Variants in LCLAT1 observed in about 807,000 individuals in gnomAD.
LCLAT1 encodes the protein 1-AGP acyltransferase 8.
In LCLAT1, 11 loss-of-function variants were observed where a neutral mutation model predicts 30.7. That is an observed-to-expected ratio of 0.36 (90% CI 0.23 to 0.59). The LOEUF (loss-of-function observed/expected upper bound fraction) is 0.59. Among genes scored for constraint, LCLAT1 ranks in the 20% least tolerant of loss-of-function variants. LCLAT1 has a pLI of 0.77. For synonymous variants in LCLAT1, 155 were observed against 151.3 expected (o/e 1.02, Z -0.18); for missense variants, 402 against 458.6 (o/e 0.88, Z 1.13).
intron 1 of LCLAT1, among the ~76,000 whole-genome samples, chr2:30,479,741 C>G (rs1572502533): frequency 6.6e-6 from 1 of 152,182 alleles, no homozygotes; most frequent in African/African-American, 2.4e-5. Flanking sequence ...AAGTCATATA[C>G]TTAGGATTTG....
chr2:30,451,239 A>G (rs2148252831), intron 1 of LCLAT1, among the ~76,000 whole-genome samples: 1 of 152,318 alleles, frequency 6.6e-6, no homozygotes, highest in East Asian at 1.9e-4. Flanking sequence ...GGTGTAGACC[A>G]ACTGGATCTC....
At chr2:30,586,688 C>T (rs1227331363) in intron 5 of LCLAT1, among the ~76,000 whole-genome samples, 1 of 152,162 alleles carries the variant, frequency 6.6e-6, no homozygotes, top group Non-Finnish European at 1.5e-5. Context: ...GTCAACCATT[C>T]CATTCTCTGC....
At chr2:30,617,380 G>C (rs1041898849) in intron 5 of LCLAT1, among the ~76,000 whole-genome samples, 2 of 152,024 alleles carry the variant, frequency 1.3e-5, no homozygotes, top group African/African-American at 4.8e-5. Flanking sequence ...CCTTTTTATT[G>C]CTGATTGGTA....
chr2:30,494,987 T>C (rs891633569), intron 1 of LCLAT1, among the ~76,000 whole-genome samples: 13 of 151,664 alleles, frequency 8.6e-5, no homozygotes, highest in Non-Finnish European at 1.8e-4. Flanking sequence ...AAATTGATCA[T>C]TGGGACATAT....
rs760012699 is a variant in LCLAT1 at position 30,459,642 on chromosome 2, GC to G, written c.-5+12260del. ...ATTCCAGGGGAAGGGAAATTGTGGT[GC>G]TTCTGAACCCATGGTCAATTAACGA... On this transcript the variant is annotated intron_variant, in intron 1 of 5. Transcript: ENST00000379509. 5 of 1,614,018 alleles carry G rather than the reference GC, an allele frequency of 3.1e-6. No homozygotes were observed. The South Asian group carries it at 3.3e-5, about 11-fold the overall frequency.
intron 5 of LCLAT1, among the ~76,000 whole-genome samples, chr2:30,602,142 G>A (rs1667222161): frequency 1.3e-5 from 2 of 152,086 alleles, no homozygotes; most frequent in Non-Finnish European, 2.9e-5. Flanking sequence ...TAGACAAATG[G>A]ATGAAAGACC....
intron 1 of LCLAT1, among the ~76,000 whole-genome samples, chr2:30,470,098 G>A (rs868291605): frequency 6.6e-6 from 1 of 152,102 alleles, no homozygotes; most frequent in South Asian, 2.1e-4. Flanking sequence ...CTTGTGTGTC[G>A]AGTCAGTTTC....
chr2:30,634,709 T>C (rs1460754237), intron 5 of LCLAT1, among the ~76,000 whole-genome samples: 1 of 152,260 alleles, frequency 6.6e-6, no homozygotes, highest in Non-Finnish European at 1.5e-5. Context: ...GTCTGTTGTT[T>C]TCATGCCAAA....
chr2:30,637,031 C>A (rs4952001), intron 5 of LCLAT1, among the ~76,000 whole-genome samples: 78,824 of 151,444 alleles, frequency 0.52, 21,459 homozygotes, highest in East Asian at 0.82. Flanking sequence ...TATTGATTTC[C>A]GAGGAGTTTT....
intron 5 of LCLAT1, among the ~76,000 whole-genome samples, chr2:30,617,194 C>CT: frequency 6.6e-6 from 1 of 152,258 alleles, no homozygotes; most frequent in South Asian, 2.1e-4. Flanking sequence ...AGTCAGGCCC[C>CT]TTCCCTGAAC....
chr2:30,594,573 A>C (rs891659191), intron 5 of LCLAT1, among the ~76,000 whole-genome samples: 10 of 152,138 alleles, frequency 6.6e-5, no homozygotes, highest in African/African-American at 2.4e-4. Context: ...GTGTATGTGC[A>C]TGTGTATGTG....
At chr2:30,500,563 A>G (rs1684326011) in intron 1 of LCLAT1, among the ~76,000 whole-genome samples, 1 of 152,186 alleles carries the variant, frequency 6.6e-6, no homozygotes, top group Admixed American at 6.5e-5. Flanking sequence ...CATCTGAAAA[A>G]TGTTAGGGAT....
intron 5 of LCLAT1, among the ~76,000 whole-genome samples, chr2:30,579,402 TGTA>T (rs1380498796): frequency 1.3e-5 from 2 of 152,176 alleles, no homozygotes; most frequent in Admixed American, 1.3e-4. Context: ...TCCTATGTGT[TGTA>T]GTTAATATCA....
rs188734132 is a variant in LCLAT1, at chr2:30,595,532, A to C, written c.628+27356A>C. 2.0e-5 allele frequency among the ~76,000 whole-genome samples: 3 copies of C among 152,130 alleles called. No individual in the cohort carries two copies. The East Asian group carries it at 5.8e-4, about 29-fold the overall frequency. ...CTGGTTTGCAATGCCTTTCTCACCC[A>C]TTCCTCCCTGTTTCATTCTTAACCA... On this transcript the variant is annotated intron_variant, in intron 5 of 5. Transcript: ENST00000379509.
At chr2:30,460,940 AGG>A (rs1682090132) in intron 1 of LCLAT1, among the ~76,000 whole-genome samples, 1 of 152,226 alleles carries the variant, frequency 6.6e-6, no homozygotes, top group African/African-American at 2.4e-5. Context: ...AGGGGAGAGC[AGG>A]GAAGCTTTGC....
chr2:30,592,927 T>C (rs980610614), intron 5 of LCLAT1, among the ~76,000 whole-genome samples: 7 of 152,180 alleles, frequency 4.6e-5, no homozygotes, highest in South Asian at 2.1e-4. Flanking sequence ...ATTAGAAACA[T>C]TTATTAATAA....
intron 1 of LCLAT1, among the ~76,000 whole-genome samples, chr2:30,504,325 A>G (rs957478935): frequency 2.0e-5 from 3 of 151,934 alleles, no homozygotes; most frequent in Non-Finnish European, 4.4e-5. Context: ...TATATTAATA[A>G]TTTTTCTGGC....
chr2:30,626,481 A>G (rs1668515696), intron 5 of LCLAT1, among the ~76,000 whole-genome samples: 1 of 151,262 alleles, frequency 6.6e-6, no homozygotes, highest in African/African-American at 2.4e-5. Flanking sequence ...TGTTTTCGTA[A>G]TCCTTTAAGC....
At chr2:30,480,483 C>G (rs1041367632) in intron 1 of LCLAT1, among the ~76,000 whole-genome samples, 1 of 152,228 alleles carries the variant, frequency 6.6e-6, no homozygotes, top group Non-Finnish European at 1.5e-5. Flanking sequence ...GTTTGAGCCA[C>G]TGCGCCTGGC....
Sources: allele counts gnomAD v4.1 joint callset (sites outside exome capture counted in the v4.1 genomes callset), GRCh38; gene constraint gnomAD v4.1.1; transcripts MANE v1.5; gene names NCBI Gene and HGNC (gene_info 2026-07-23, HGNC 2026-07-21).